Variants in NBPF20 observed in about 807,000 individuals in gnomAD.
The protein encoded by NBPF20 is NBPF member 20.
In NBPF20, 90 loss-of-function variants were observed where a neutral mutation model predicts 68.1. The ratio of observed to expected loss-of-function variants is 1.32; its 90% CI spans 1.11 to 1.58. The LOEUF (loss-of-function observed/expected upper bound fraction) is 1.58. Ranked by LOEUF, NBPF20 falls within the 40% of genes most tolerant of loss-of-function variation. The pLI is 0.00. For synonymous variants in NBPF20, 290 were observed against 228.1 expected, an observed-to-expected ratio of 1.27 and a Z score of -2.45; for missense variants, 816 against 601.2, an observed-to-expected ratio of 1.36 and a Z score of -3.74.
At chr1:145,424,312 C>T in the NBPF20 span, among the ~76,000 whole-genome samples, 3 of 151,666 alleles carry the variant, frequency 2.0e-5, no homozygotes, top group Admixed American at 2.0e-4. Flanking sequence ...TCTCTGTATA[C>T]TTCAGTAACT....
the NBPF20 span, among the ~76,000 whole-genome samples, chr1:145,425,171 T>C: frequency 0.052 from 7,884 of 150,484 alleles, 680 homozygotes; most frequent in African/African-American, 0.18. Context: ...CAGCGGCAAG[T>C]GAGGAATCCA....
chr1:145,395,089 C>G (rs1265105016), exon 8 of NBPF20: 16 of 1,609,212 alleles, frequency 9.9e-6, no homozygotes, highest in Non-Finnish European at 1.3e-5. Flanking sequence ...GTCGAATAAC[C>G]TTCATCCCAG....
intron 9 of NBPF20, among the ~76,000 whole-genome samples, chr1:145,393,458 AACACACACACACACAC>A (rs370259133): frequency 6.9e-6 from 1 of 145,268 alleles, no homozygotes; most frequent in Non-Finnish European, 1.5e-5. Flanking sequence ...CACACACACA[AACACACACACACACAC>A]ACACACACAC....
Position 145,366,616 on chromosome 1 carries a change from C to T in NBPF20, c.5154-264G>A, listed in dbSNP as rs879782994. ...GACACACACACACACACAGAGAGAA[C>T]GAGCTCAGTGAATTGTCCAGGTGAC... On this transcript the variant is annotated intron_variant, in intron 43 of 137. Transcript: ENST00000369373. 4.8e-4 allele frequency among the ~76,000 whole-genome samples: 34 copies of T among 71,112 alleles called. 4 individuals carry two copies. Among genetic ancestry groups the T allele is most frequent in the African/African-American group, 1.8e-3 (28 of 15,518 alleles). 46.7% of individuals were successfully genotyped at this position (71,112 alleles called of 152,430 possible).
At chr1:145,419,658 C>T in the NBPF20 span, among the ~76,000 whole-genome samples, 3 of 152,010 alleles carry the variant, frequency 2.0e-5, no homozygotes, top group Admixed American at 6.5e-5. Flanking sequence ...CTCCCACTCC[C>T]CCAGGACCTG....
At chr1:145,402,144 A>T in intron 4 of NBPF20, 23 bp downstream of exon 9, 2 of 1,414,888 alleles carry the variant, frequency 1.4e-6, no homozygotes, top group Non-Finnish European at 2.0e-6. Context: ...ATTTTGGGTC[A>T]TCAGGGCCTA....
At chr1:145,396,766 AT>A in intron 7 of NBPF20, among the ~76,000 whole-genome samples, 1 of 150,046 alleles carries the variant, frequency 6.7e-6, no homozygotes, top group Non-Finnish European at 1.5e-5. Flanking sequence ...ATATATATAT[AT>A]ATATACAGAT....
rs199825727 is a variant in NBPF20, at chr1:145,292,561, T to A, written c.16589-72A>T. 3.2e-4 allele frequency: 233 copies of A among 726,880 alleles called. 2 individuals are homozygous for A. Among genetic ancestry groups the A allele is most frequent in the Non-Finnish European group, 5.1e-4 (208 of 408,106 alleles). The allele number at this position is 726,880 out of a possible 1,614,324, so 45.0% of individuals were successfully genotyped here. On this transcript the variant is annotated intron_variant, in intron 136 of 137. Coordinates refer to ENST00000369373, the Ensembl canonical transcript of NBPF20. The stretch of plus-strand genomic sequence containing the variant: ...ACACACATAACAATCCACTGTCTAA[T>A]CCTCACACAGGGACCTCAGGCTCCC...
intron 2 of NBPF20, among the ~76,000 whole-genome samples, chr1:145,403,738 G>A (rs1662635718): frequency 6.6e-6 from 1 of 151,690 alleles, no homozygotes; most frequent in African/African-American, 2.4e-5. Flanking sequence ...CCCTTTTACT[G>A]GGAATTTCAA....
chr1:145,407,428 C>A (rs1270789440), upstream of NBPF20, among the ~76,000 whole-genome samples: 1 of 144,520 alleles, frequency 6.9e-6, no homozygotes, highest in African/African-American at 2.5e-5. Context: ...CATGTATACA[C>A]GTATACATGT....
At chr1:145,400,553 G>A in exon 6 of NBPF20, 4 of 1,612,592 alleles carry the variant, frequency 2.5e-6, no homozygotes, top group Non-Finnish European at 3.4e-6. Flanking sequence ...TTCCTCCTGT[G>A]AGTCCTCAGG....
At chr1:145,410,265 G>A (rs1662956336), upstream of NBPF20, among the ~76,000 whole-genome samples, 1 of 151,330 alleles carries the variant, frequency 6.6e-6, no homozygotes, top group Non-Finnish European at 1.5e-5. Flanking sequence ...TCTCCCTGAT[G>A]ACTAAACAGT....
chr1:145,407,426 CACGTATACATGTATACATGTATAT>C (rs1306760616), upstream of NBPF20, among the ~76,000 whole-genome samples: 2 of 145,224 alleles, frequency 1.4e-5, no homozygotes, highest in Admixed American at 1.4e-4. Flanking sequence ...TACATGTATA[CACGTATACATGTATACATGTATAT>C]ACGTGTATAC....
At chr1:145,394,014 AAC>A (rs1662086715) in intron 8 of NBPF20, 79 bp from the exon 14 acceptor site, 1 of 811,324 alleles carries the variant, frequency 1.2e-6, no homozygotes, top group Admixed American at 1.7e-5. Context: ...GTCCAATCCT[AAC>A]ACAGGGACAT....
At chr1:145,408,439 G>C (rs1662894390), upstream of NBPF20, among the ~76,000 whole-genome samples, 2 of 151,886 alleles carry the variant, frequency 1.3e-5, no homozygotes, top group Non-Finnish European at 2.9e-5. Context: ...GTACATATGT[G>C]GGCATATTGT....
At chr1:145,406,076 G>A (rs1261447999), upstream of NBPF20, among the ~76,000 whole-genome samples, 5 of 147,234 alleles carry the variant, frequency 3.4e-5, no homozygotes, top group South Asian at 6.4e-4. Flanking sequence ...CCGCCACCAC[G>A]CCCGGCTAAT....
At chr1:145,352,333 A>G (rs1661659072) in intron 61 of NBPF20, among the ~76,000 whole-genome samples, 1 of 89,742 alleles carries the variant, frequency 1.1e-5, no homozygotes, top group Non-Finnish European at 2.4e-5. Flanking sequence ...ACACACAGAC[A>G]CACACACACA....
intron 79 of NBPF20, among the ~76,000 whole-genome samples, chr1:145,338,033 A>C (rs1302595503): frequency 5.3e-5 from 5 of 94,500 alleles, no homozygotes; most frequent in African/African-American, 2.1e-4. Context: ...ACACACACAC[A>C]CACACACACA....
intron 9 of NBPF20, 180 bp downstream of exon 14, chr1:145,393,704 G>T (rs1192242415): frequency 1.4e-5 from 21 of 1,469,758 alleles, no homozygotes; most frequent in African/African-American, 4.2e-5. Flanking sequence ...AATGATAAGG[G>T]TAGGAAGAAA....
Sources: gnomAD v4.1 joint callset for allele counts (sites outside exome capture counted in the v4.1 genomes callset) on GRCh38, gnomAD v4.1.1 for gene constraint, MANE v1.5 for transcripts, NCBI Gene and HGNC (gene_info 2026-07-23, HGNC 2026-07-21) for gene names.